The following IQCJ variants were observed in gnomAD, a reference collection of about 807,000 sequenced individuals.
IQCJ encodes the protein IQ motif containing J, also known as IQ domain-containing protein J.
In IQCJ, 9 loss-of-function variants were observed where a neutral mutation model predicts 11.0. The observed-to-expected ratio is 0.82, with a 90% CI of 0.49 to 1.43. IQCJ has a LOEUF of 1.43. Ranked by LOEUF, IQCJ falls within the 40% of genes most tolerant of loss-of-function variation. The pLI is 0.00. For synonymous variants in IQCJ, 55 were observed against 51.3 expected, an observed-to-expected ratio of 1.07 and a Z score of -0.31; for missense variants, 146 against 133.2, an observed-to-expected ratio of 1.10 and a Z score of -0.47.
chr3:159,195,121 A>AT (rs1302172936), intron 1 of IQCJ, among the ~76,000 whole-genome samples: 3 of 151,648 alleles, frequency 2.0e-5, no homozygotes, highest in African/African-American at 7.3e-5. Context: ...AAAAAAAAAA[A>AT]AATCTGTATC....
At chr3:159,147,527 G>A (rs1720986482) in intron 1 of IQCJ, among the ~76,000 whole-genome samples, 1 of 152,176 alleles carries the variant, frequency 6.6e-6, no homozygotes, top group Non-Finnish European at 1.5e-5. Flanking sequence ...AGCAGACTGA[G>A]CTTGACCTAG....
intron 1 of IQCJ, among the ~76,000 whole-genome samples, chr3:159,133,943 G>A (rs529697397): frequency 1.3e-5 from 2 of 151,556 alleles, no homozygotes; most frequent in African/African-American, 4.8e-5. Context: ...TGCAATCAAG[G>A]TATCCACCAG....
intron 1 of IQCJ, among the ~76,000 whole-genome samples, chr3:159,120,844 G>A (rs1719326747): frequency 6.6e-6 from 1 of 152,206 alleles, no homozygotes; most frequent in Non-Finnish European, 1.5e-5. Flanking sequence ...GAGGCATCAA[G>A]CACCCAAGCT....
At chr3:159,255,724 G>C (rs1177967207) in intron 3 of IQCJ, among the ~76,000 whole-genome samples, 2 of 152,174 alleles carry the variant, frequency 1.3e-5, no homozygotes, top group African/African-American at 2.4e-5. Context: ...TATTAGACCA[G>C]AGGATCAAAA....
At chr3:159,155,078 A>G (rs1721440603) in intron 1 of IQCJ, among the ~76,000 whole-genome samples, 1 of 152,088 alleles carries the variant, frequency 6.6e-6, no homozygotes, top group African/African-American at 2.4e-5. Flanking sequence ...CCTACACTGA[A>G]CACGGGCTCC....
intron 1 of IQCJ, among the ~76,000 whole-genome samples, chr3:159,187,608 T>C (rs1371147578): frequency 6.6e-6 from 1 of 152,230 alleles, no homozygotes. Flanking sequence ...GAGTTGGAAT[T>C]GTCCATGCTG....
chr3:159,206,236 A>G (rs1455174099), intron 1 of IQCJ, among the ~76,000 whole-genome samples: 3 of 152,140 alleles, frequency 2.0e-5, no homozygotes, highest in Admixed American at 6.5e-5. Context: ...GTATTTCACT[A>G]TCTTCCATTT....
At chr3:159,169,279 C>CTTTTTTTTTTT (rs141888128) in intron 1 of IQCJ, among the ~76,000 whole-genome samples, 14 of 56,378 alleles carry the variant, frequency 2.5e-4, no homozygotes, top group Admixed American at 9.6e-4. Flanking sequence ...TTCTTTCTTT[C>CTTTTTTTTTTT]TTTTTTTTTT....
chr3:159,247,952 C>T (rs1247670689), intron 2 of IQCJ, among the ~76,000 whole-genome samples: 1 of 152,090 alleles, frequency 6.6e-6, no homozygotes, highest in East Asian at 1.9e-4. Context: ...ATGTGCTGAG[C>T]CCCAGTAGCT....
intron 1 of IQCJ, among the ~76,000 whole-genome samples, chr3:159,213,124 C>T (rs888230734): frequency 1.3e-5 from 2 of 152,136 alleles, no homozygotes; most frequent in Non-Finnish European, 1.5e-5. Flanking sequence ...TCCAGTAAGA[C>T]GATTAAAGGG....
intron 1 of IQCJ, among the ~76,000 whole-genome samples, chr3:159,088,821 G>T (rs564648078): frequency 3.1e-3 from 478 of 152,100 alleles, no homozygotes; most frequent in African/African-American, 0.011. Flanking sequence ...GTCTCTGCAC[G>T]TGAGATGGGT....
intron 1 of IQCJ, among the ~76,000 whole-genome samples, chr3:159,177,761 G>T (rs1439016904): frequency 6.6e-6 from 1 of 152,166 alleles, no homozygotes; most frequent in Non-Finnish European, 1.5e-5. Flanking sequence ...AATTTTTAAA[G>T]AAGTTTTAAA....
At chr3:159,084,885 A>C (rs893003185) in intron 1 of IQCJ, among the ~76,000 whole-genome samples, 2 of 149,866 alleles carry the variant, frequency 1.3e-5, no homozygotes, top group Non-Finnish European at 3.0e-5. Context: ...CATCCTAGTT[A>C]CTTGTTATCA....
At chr3:159,251,051 C>T (rs1269392280) in intron 2 of IQCJ, among the ~76,000 whole-genome samples, 3 of 152,084 alleles carry the variant, frequency 2.0e-5, no homozygotes. Flanking sequence ...GTAATGGACC[C>T]TGAATACCAA....
intron 1 of IQCJ, among the ~76,000 whole-genome samples, chr3:159,084,612 G>A (rs571697220): frequency 2.0e-5 from 3 of 152,192 alleles, no homozygotes; most frequent in African/African-American, 7.2e-5. Context: ...GGAAACCAAA[G>A]CCTAGAAGGG....
Position 159,263,388 on chromosome 3 carries a change from A to G in IQCJ, c.*657A>G, listed in dbSNP as rs930797060. 1.4e-5 allele frequency: 13 copies of G among 954,774 alleles called. No homozygotes were observed. The South Asian group carries it at 5.8e-4, about 43-fold the overall frequency. 59.1% of individuals were successfully genotyped at this position (954,774 alleles called of 1,614,324 possible). A position where few individuals can be genotyped will look rare whatever the true frequency, so the allele number is the denominator to read the frequency against. On this transcript the variant is annotated 3_prime_UTR_variant, in exon 4 of 4. Transcript: ENST00000397832. ...GACCACAATTGACCTACAGGCCACC[A>G]GTTTAAGAAATCTGAGATAGAGAGT...
intron 1 of IQCJ, among the ~76,000 whole-genome samples, chr3:159,075,685 A>G (rs1347779316): frequency 1.3e-5 from 2 of 152,148 alleles, no homozygotes; most frequent in Admixed American, 1.3e-4. Flanking sequence ...GGGTCTGTGT[A>G]TGTAGACATT....
At chr3:159,215,345 G>A (rs951556658) in intron 1 of IQCJ, among the ~76,000 whole-genome samples, 10 of 152,158 alleles carry the variant, frequency 6.6e-5, no homozygotes, top group Non-Finnish European at 1.5e-4. Context: ...TTACCATGAA[G>A]GTTTAATGAC....
intron 1 of IQCJ, among the ~76,000 whole-genome samples, chr3:159,208,461 G>T (rs1327453220): frequency 6.6e-6 from 1 of 152,220 alleles, no homozygotes; most frequent in Non-Finnish European, 1.5e-5. Flanking sequence ...CCTCTGAGAT[G>T]AGATAAGGTG....
Sources: gnomAD v4.1 joint callset for allele counts (sites outside exome capture counted in the v4.1 genomes callset) on GRCh38, gnomAD v4.1.1 for gene constraint, MANE v1.5 for transcripts, NCBI Gene and HGNC (gene_info 2026-07-23, HGNC 2026-07-21) for gene names.